Variants in HECW2 observed in about 807,000 individuals in gnomAD.
The protein encoded by HECW2 is HECT, C2 and WW domain containing E3 ubiquitin protein ligase 2.
Under a neutral mutation model 175.2 loss-of-function variants are expected in HECW2, and 61 were observed. The observed-to-expected ratio is 0.35, with a 90% CI of 0.28 to 0.43. HECW2 has a LOEUF of 0.43. Ranked by LOEUF, HECW2 falls within the 20% of genes least tolerant of loss-of-function variation. The probability of loss-of-function intolerance (pLI) is 1.00; values close to 1 mark genes in which losing one functional copy is unlikely to be tolerated. For synonymous variants in HECW2, 671 were observed against 731.0 expected, an observed-to-expected ratio of 0.92 and a Z score of 1.32; for missense variants, 1,524 against 2,000.5, an observed-to-expected ratio of 0.76 and a Z score of 4.54.
At chr2:196,522,435 T>G (rs961689758) in intron 1 of HECW2, among the ~76,000 whole-genome samples, 21 of 152,212 alleles carry the variant, frequency 1.4e-4, no homozygotes, top group Non-Finnish European at 7.3e-5. Context: ...GGTTGCCTGT[T>G]CACTCTGATG....
chr2:196,515,246 T>G (rs1251707666), intron 1 of HECW2, among the ~76,000 whole-genome samples: 1 of 152,230 alleles, frequency 6.6e-6, no homozygotes, highest in Admixed American at 6.5e-5. Flanking sequence ...CCGGATCCCA[T>G]GCTCACTTGC....
chr2:196,284,365 G>GT (rs1243956877), intron 14 of HECW2, among the ~76,000 whole-genome samples: 2 of 152,188 alleles, frequency 1.3e-5, no homozygotes, highest in Admixed American at 1.3e-4. Flanking sequence ...GTTTACACAT[G>GT]TTTTTTACAT....
At chr2:196,308,327 T>G (rs1381927848) in intron 10 of HECW2, among the ~76,000 whole-genome samples, 1 of 152,192 alleles carries the variant, frequency 6.6e-6, no homozygotes, top group East Asian at 1.9e-4. Flanking sequence ...ATGTAGAGAA[T>G]CTTTCCAAAT....
At chr2:196,450,141 C>T (rs1265883376) in intron 1 of HECW2, among the ~76,000 whole-genome samples, 1 of 152,106 alleles carries the variant, frequency 6.6e-6, no homozygotes, top group Non-Finnish European at 1.5e-5. Context: ...AAACTTTGCC[C>T]TTTTTGCGTT....
intron 1 of HECW2, among the ~76,000 whole-genome samples, chr2:196,468,168 T>A (rs1361368795): frequency 6.6e-6 from 1 of 152,218 alleles, no homozygotes; most frequent in Non-Finnish European, 1.5e-5. Context: ...CTAATTTCTG[T>A]ATTTTTAGTA....
intron 9 of HECW2, among the ~76,000 whole-genome samples, chr2:196,317,628 T>C: frequency 6.6e-6 from 1 of 151,944 alleles, no homozygotes; most frequent in Admixed American, 6.6e-5. Flanking sequence ...TAACGGCCTC[T>C]GTCCTGGTCA....
chr2:196,231,210 CAA>C (rs1191180517), intron 21 of HECW2, among the ~76,000 whole-genome samples: 1 of 150,970 alleles, frequency 6.6e-6, no homozygotes, highest in Admixed American at 6.6e-5. Context: ...TGCCCGTGGT[CAA>C]AGTCATCTTA....
chr2:196,313,829 ATTGCTTGAGGCCAGGAG>A (rs1431625077), intron 10 of HECW2, among the ~76,000 whole-genome samples: 1 of 152,170 alleles, frequency 6.6e-6, no homozygotes, highest in Non-Finnish European at 1.5e-5. Context: ...AGGTGGGAGG[ATTGCTTGAGGCCAGGAG>A]TTCAAGGCCA....
chr2:196,292,840 A>G (rs990289559), intron 13 of HECW2, 90 bp from the exon 14 acceptor site: 18 of 996,974 alleles, frequency 1.8e-5, no homozygotes, highest in Non-Finnish European at 2.2e-5. Flanking sequence ...TAATCTTCCA[A>G]TAAGTAATGA....
At chr2:196,229,442 T>C (rs537110643) in intron 21 of HECW2, among the ~76,000 whole-genome samples, 3 of 152,202 alleles carry the variant, frequency 2.0e-5, no homozygotes, top group East Asian at 1.9e-4. Flanking sequence ...GGAAGATCCA[T>C]TGAGTCAAGG....
intron 28 of HECW2, among the ~76,000 whole-genome samples, chr2:196,207,619 T>G (rs6750045): frequency 0.087 from 13,177 of 152,206 alleles, 978 homozygotes; most frequent in African/African-American, 0.2. Flanking sequence ...TTGGTCATGT[T>G]CCATTTTGGG....
intron 2 of HECW2, among the ~76,000 whole-genome samples, chr2:196,379,924 G>C (rs1694162940): frequency 6.7e-6 from 1 of 150,326 alleles, no homozygotes; most frequent in Non-Finnish European, 1.5e-5. Context: ...AGGATGAGGG[G>C]AGAAGGTACT....
chr2:196,229,685 A>G (rs1687979563), intron 21 of HECW2, among the ~76,000 whole-genome samples: 1 of 152,224 alleles, frequency 6.6e-6, no homozygotes, highest in Non-Finnish European at 1.5e-5. Flanking sequence ...AGCAACAAAA[A>G]GGATCCTATA....
chr2:196,331,113 T>C (rs1019324746), intron 4 of HECW2: 3 of 982,336 alleles, frequency 3.1e-6, no homozygotes, highest in Non-Finnish European at 3.6e-6. Context: ...AGTCAAACTA[T>C]TTTGTGTGCC....
chr2:196,524,256 A>G (rs1429858398), intron 1 of HECW2, among the ~76,000 whole-genome samples: 1 of 132,158 alleles, frequency 7.6e-6, no homozygotes, highest in Non-Finnish European at 1.5e-5. Flanking sequence ...TTTCTAGTTT[A>G]TTTGCGTAGA....
intron 2 of HECW2, among the ~76,000 whole-genome samples, chr2:196,411,738 C>A (rs142049716): frequency 6.6e-6 from 1 of 152,194 alleles, no homozygotes; most frequent in South Asian, 2.1e-4. Context: ...AGCCTGGATG[C>A]GGTGGCTCAC....
chr2:196,509,678 C>T (rs1687880133), intron 1 of HECW2, among the ~76,000 whole-genome samples: 1 of 152,186 alleles, frequency 6.6e-6, no homozygotes, highest in Non-Finnish European at 1.5e-5. Context: ...GTCTTTGAAC[C>T]TGGATCCCTT....
At position 196,210,352 on chromosome 2, in the gene HECW2, C is replaced by A. The variant is rs1687233348; in HGVS notation, c.4607+5513G>T. The stretch of plus-strand genomic sequence containing the variant: ...CACATACTCTAACATGTTAACAGAG[C>A]TTATCTTAGTAATTGACTTTTTTTT... On this transcript the variant is annotated intron_variant, in intron 28 of 28. Coordinates refer to ENST00000644978, the MANE Select transcript of HECW2 (RefSeq NM_001348768.2). 2.0e-5 allele frequency among the ~76,000 whole-genome samples: 3 copies of A among 151,878 alleles called. No homozygotes were observed. The South Asian group carries it at 6.2e-4, about 32-fold the overall frequency.
chr2:196,487,226 A>G (rs1289714231), intron 1 of HECW2, among the ~76,000 whole-genome samples: 2 of 151,630 alleles, frequency 1.3e-5, no homozygotes, highest in East Asian at 3.9e-4. Flanking sequence ...AGGTGGGAGG[A>G]TCACTTGAGC....
Sources: allele counts gnomAD v4.1 joint callset (sites outside exome capture counted in the v4.1 genomes callset), GRCh38; gene constraint gnomAD v4.1.1; transcripts MANE v1.5; gene names NCBI Gene and HGNC (gene_info 2026-07-23, HGNC 2026-07-21).